ERC2: variants seen among roughly 807,000 people sequenced by gnomAD.
The protein encoded by ERC2 is ERC protein 2.
ERC2 carries 42 observed loss-of-function variants against 114.8 expected under a neutral mutation model. The ratio of observed to expected loss-of-function variants is 0.37; its 90% CI spans 0.29 to 0.47. The LOEUF (loss-of-function observed/expected upper bound fraction) is 0.47, where lower values mean the gene tolerates loss of function less well. ERC2 is among the 20% of genes least tolerant of loss of function. The probability of loss-of-function intolerance (pLI) is 0.99; values close to 1 mark genes in which losing one functional copy is unlikely to be tolerated. For missense variants in ERC2, 939 were observed against 1,150.7 expected (o/e 0.82, Z 2.66); for synonymous variants, 454 against 425.5 (o/e 1.07, Z -0.82).
intron 17 of ERC2, among the ~76,000 whole-genome samples, chr3:55,645,240 T>G (rs1247902279): frequency 2.6e-5 from 4 of 152,248 alleles, no homozygotes; most frequent in Non-Finnish European, 5.9e-5. Context: ...AAATATGGGT[T>G]GATTTATTTG....
intron 13 of ERC2, among the ~76,000 whole-genome samples, chr3:55,896,485 AT>A (rs1441771510): frequency 3.3e-5 from 5 of 152,174 alleles, no homozygotes; most frequent in African/African-American, 4.8e-5. Context: ...AAAGCAACCC[AT>A]TTGTCTCTAT....
chr3:55,792,738 A>C (rs981931023), intron 14 of ERC2, among the ~76,000 whole-genome samples: 11 of 152,212 alleles, frequency 7.2e-5, no homozygotes, highest in African/African-American at 2.7e-4. Context: ...AATGTGCATG[A>C]ATTTCCCAAA....
intron 7 of ERC2, among the ~76,000 whole-genome samples, chr3:56,047,489 A>C (rs1276821183): frequency 6.6e-6 from 1 of 152,232 alleles, no homozygotes; most frequent in Non-Finnish European, 1.5e-5. Context: ...TAAGCCAGAT[A>C]CTTTACTAAT....
chr3:56,374,147 A>C (rs1472503162), intron 2 of ERC2, among the ~76,000 whole-genome samples: 1 of 152,136 alleles, frequency 6.6e-6, no homozygotes, highest in East Asian at 1.9e-4. Flanking sequence ...CCGAGGCTGG[A>C]GTGCAGAGGC....
chr3:56,381,339 T>C (rs1047139987), intron 2 of ERC2, among the ~76,000 whole-genome samples: 10 of 152,192 alleles, frequency 6.6e-5, no homozygotes, highest in African/African-American at 2.4e-4. Flanking sequence ...CAAGACCCCC[T>C]ATGCATAACA....
chr3:55,967,786 G>A (rs2068852285), intron 12 of ERC2, among the ~76,000 whole-genome samples: 1 of 152,118 alleles, frequency 6.6e-6, no homozygotes, highest in Non-Finnish European at 1.5e-5. Context: ...TGTTGTCCTG[G>A]GAGTGGGTTC....
At chr3:56,205,810 C>CTCCA (rs2048690805) in intron 3 of ERC2, among the ~76,000 whole-genome samples, 1 of 152,200 alleles carries the variant, frequency 6.6e-6, no homozygotes, top group Admixed American at 6.5e-5. Flanking sequence ...AGATGTAGCA[C>CTCCA]TCCACATCCT....
At chr3:55,965,349 G>A (rs1466467275) in intron 12 of ERC2, among the ~76,000 whole-genome samples, 1 of 152,220 alleles carries the variant, frequency 6.6e-6, no homozygotes, top group African/African-American at 2.4e-5. Flanking sequence ...AACTGTAAAA[G>A]TGATTTTTAA....
intron 3 of ERC2, among the ~76,000 whole-genome samples, chr3:56,294,718 C>T (rs76875026): frequency 4.2e-4 from 64 of 152,298 alleles, no homozygotes; most frequent in African/African-American, 1.5e-3. Context: ...AACCAATACT[C>T]GAAGAGGATT....
At chr3:56,464,841 C>T (rs1328272784) in intron 1 of ERC2, among the ~76,000 whole-genome samples, 1 of 150,712 alleles carries the variant, frequency 6.6e-6, no homozygotes, top group African/African-American at 2.4e-5. Context: ...CCCCACGGAC[C>T]AGCCAAAATG....
intron 14 of ERC2, among the ~76,000 whole-genome samples, chr3:55,812,265 C>T (rs749926866): frequency 1.2e-4 from 18 of 152,152 alleles, no homozygotes; most frequent in Non-Finnish European, 2.5e-4. Context: ...ATAGAGGGGA[C>T]CTCGACAACC....
rs2052977489 is a variant in ERC2 at position 56,262,110 on chromosome 3, A to G, written c.1074+33909T>C. 2.0e-5 allele frequency among the ~76,000 whole-genome samples: 3 copies of G among 152,176 alleles called. No homozygotes were observed. The South Asian group carries it at 6.2e-4, about 31-fold the overall frequency. The stretch of plus-strand genomic sequence containing the variant: ...GCACCACATTTTTTTTATCCAGCCT[A>G]TCATTGACAGGCATTTAGGTTGATT... On this transcript the variant is annotated intron_variant, in intron 3 of 17. Transcript: ENST00000288221.
chr3:56,436,687 A>T (rs1339954507), intron 1 of ERC2, among the ~76,000 whole-genome samples: 1 of 152,160 alleles, frequency 6.6e-6, no homozygotes, highest in Non-Finnish European at 1.5e-5. Context: ...TAGTTTAGTG[A>T]TGGGCATGTG....
chr3:56,424,408 T>C (rs147096328), intron 2 of ERC2, among the ~76,000 whole-genome samples: 49 of 152,292 alleles, frequency 3.2e-4, no homozygotes, highest in African/African-American at 1.1e-3. Context: ...TTCCCTACCA[T>C]TAGCCAAGTC....
chr3:55,712,146 C>T (rs538960561), intron 15 of ERC2, among the ~76,000 whole-genome samples: 2 of 152,138 alleles, frequency 1.3e-5, no homozygotes, highest in Non-Finnish European at 2.9e-5. Context: ...TTTTTTCCCA[C>T]GTTTCTTCTT....
intron 17 of ERC2, among the ~76,000 whole-genome samples, chr3:55,521,975 C>A (rs955112178): frequency 1.3e-5 from 2 of 152,198 alleles, no homozygotes; most frequent in Non-Finnish European, 2.9e-5. Context: ...CAAGGATGGC[C>A]TGCTGAAGAC....
intron 13 of ERC2, among the ~76,000 whole-genome samples, chr3:55,897,773 T>G (rs866637210): frequency 6.6e-6 from 1 of 152,342 alleles, no homozygotes; most frequent in African/African-American, 2.4e-5. Context: ...TTTCTATCTC[T>G]TCCTCCTTCC....
At chr3:55,601,067 G>A (rs1484342615) in intron 17 of ERC2, among the ~76,000 whole-genome samples, 4 of 152,230 alleles carry the variant, frequency 2.6e-5, no homozygotes, top group Non-Finnish European at 5.9e-5. Flanking sequence ...ACAAACGAAG[G>A]AAGTGAGGCA....
chr3:55,531,166 T>G (rs1256673423), intron 17 of ERC2, among the ~76,000 whole-genome samples: 5 of 152,132 alleles, frequency 3.3e-5, no homozygotes, highest in Non-Finnish European at 7.4e-5. Flanking sequence ...GATTATTAAG[T>G]GAATGATCCA....
Sources: allele counts gnomAD v4.1 joint callset (sites outside exome capture counted in the v4.1 genomes callset), GRCh38; gene constraint gnomAD v4.1.1; transcripts MANE v1.5; gene names NCBI Gene and HGNC (gene_info 2026-07-23, HGNC 2026-07-21).